The following LRRIQ3 variants were observed in gnomAD, a reference collection of about 807,000 sequenced individuals.
LRRIQ3 encodes the protein leucine-rich repeat and IQ domain-containing protein 3.
In LRRIQ3, 75 loss-of-function variants were observed where a neutral mutation model predicts 59.3. The observed-to-expected ratio is 1.26, with a 90% CI of 1.05 to 1.53. The LOEUF (loss-of-function observed/expected upper bound fraction) is 1.53. Ranked by LOEUF, LRRIQ3 falls within the 40% of genes most tolerant of loss-of-function variation. LRRIQ3 has a pLI of 0.00. For synonymous variants in LRRIQ3, 250 were observed against 231.3 expected, an observed-to-expected ratio of 1.08 and a Z score of -0.73; for missense variants, 831 against 710.0, an observed-to-expected ratio of 1.17 and a Z score of -1.94.
chr1:74,087,515 A>G (rs1646341159), intron 5 of LRRIQ3, among the ~76,000 whole-genome samples: 1 of 149,286 alleles, frequency 6.7e-6, no homozygotes. Context: ...CTCATCTAAA[A>G]TGCTATTTCA....
At chr1:74,092,214 T>C (rs1646401816) in intron 5 of LRRIQ3, among the ~76,000 whole-genome samples, 1 of 152,104 alleles carries the variant, frequency 6.6e-6, no homozygotes, top group Admixed American at 6.6e-5. Flanking sequence ...AAGCATGAGA[T>C]AAAAACAGTC....
chr1:74,194,953 G>C (rs1281443339), intron 1 of LRRIQ3, among the ~76,000 whole-genome samples: 2 of 151,840 alleles, frequency 1.3e-5, no homozygotes, highest in South Asian at 4.2e-4. Context: ...CCTCATCCTG[G>C]TATTTGGACA....
chr1:74,147,128 TGAG>T (rs1239684370), intron 4 of LRRIQ3, among the ~76,000 whole-genome samples: 2 of 151,994 alleles, frequency 1.3e-5, no homozygotes, highest in Non-Finnish European at 2.9e-5. Flanking sequence ...CTCAGGAGGC[TGAG>T]GTAGAAGAAT....
chr1:74,112,776 A>C (rs1333002986), intron 4 of LRRIQ3, among the ~76,000 whole-genome samples: 1 of 152,174 alleles, frequency 6.6e-6, no homozygotes. Flanking sequence ...CAGGGAAAAT[A>C]GACTTCACTA....
chr1:74,183,558 T>G lies in LRRIQ3; in HGVS notation c.127A>C (p.Met43Leu), dbSNP rs1317358413. 1 of 1,612,278 alleles carries G rather than the reference T, an allele frequency of 6.2e-7. No individual in the cohort carries two copies. Among genetic ancestry groups the G allele is most frequent in the South Asian group, 1.1e-5 (1 of 91,006 alleles). The change falls in exon 2 of 8, where the codon ATG becomes CTG. Residue 43 changes from methionine (M) to leucine (L), a missense_variant. Coordinates refer to ENST00000354431, the MANE Select transcript of LRRIQ3 (RefSeq NM_001105659.2). ...VKFNGLHLKS[M>L]ENLQSCISLR... is the part of the protein sequence containing the mutation. The stretch of plus-strand genomic sequence containing the variant: ...GAGATGCAAGACTGCAAATTTTCCA[T>G]AGACTTTAAATGAAGGCCATTGAAC...
intron 1 of LRRIQ3, among the ~76,000 whole-genome samples, chr1:74,190,982 T>G (rs1650728324): frequency 6.6e-6 from 1 of 152,154 alleles, no homozygotes; most frequent in Non-Finnish European, 1.5e-5. Flanking sequence ...GCCTTCCACC[T>G]TCTGTCATGA....
At chr1:74,048,518 C>T (rs1341039499) in intron 6 of LRRIQ3, among the ~76,000 whole-genome samples, 1 of 152,178 alleles carries the variant, frequency 6.6e-6, no homozygotes, top group African/African-American at 2.4e-5. Flanking sequence ...TAAGTAGCTT[C>T]TGGCTTCCTA....
intron 3 of LRRIQ3, among the ~76,000 whole-genome samples, chr1:74,162,612 A>G (rs1287300094): frequency 6.6e-6 from 1 of 151,836 alleles, no homozygotes; most frequent in Non-Finnish European, 1.5e-5. Context: ...TTCTAAAACT[A>G]TATGCTAGTC....
At chr1:74,102,205 G>A (rs6699575) in intron 5 of LRRIQ3, among the ~76,000 whole-genome samples, 124,118 of 151,894 alleles carry the variant, frequency 0.82, 52,621 homozygotes, top group East Asian at 0.97. Flanking sequence ...AAATGAAACT[G>A]CTACTCTCCA....
rs567407448 is a variant in LRRIQ3 at position 74,084,209 on chromosome 1, T to G, written c.868-9419A>C. 7 of 1,546,926 alleles carry G rather than the reference T, an allele frequency of 4.5e-6. No individual in the cohort carries two copies. The South Asian group carries it at 6.0e-5, about 13-fold the overall frequency. Reference sequence around the variant, plus strand: ...TCAGTGAAAATTGACCCATAATTTTTTTTTATCCTGAAGAAAAATACAGTA... The same window carrying G: ...TCAGTGAAAATTGACCCATAATTTTGTTTTATCCTGAAGAAAAATACAGTA... On this transcript the variant is annotated intron_variant, in intron 5 of 7. Transcript: ENST00000354431.
chr1:74,070,534 A>C (rs1241238346), intron 6 of LRRIQ3, among the ~76,000 whole-genome samples: 1 of 152,052 alleles, frequency 6.6e-6, no homozygotes, highest in Non-Finnish European at 1.5e-5. Flanking sequence ...CACTATGCTT[A>C]CTACCTGAGT....
At chr1:74,191,556 T>C (rs1186470156) in intron 1 of LRRIQ3, among the ~76,000 whole-genome samples, 1 of 151,770 alleles carries the variant, frequency 6.6e-6, no homozygotes, top group East Asian at 1.9e-4. Context: ...AAAACATGCC[T>C]TATCAAATTC....
intron 4 of LRRIQ3, among the ~76,000 whole-genome samples, chr1:74,130,352 T>G (rs1048730088): frequency 6.6e-6 from 1 of 152,060 alleles, no homozygotes; most frequent in African/African-American, 2.4e-5. Context: ...CTGGCTGAGT[T>G]CCACCAAGTG....
intron 5 of LRRIQ3, among the ~76,000 whole-genome samples, chr1:74,077,446 A>T (rs1014645220): frequency 1.3e-5 from 2 of 151,868 alleles, no homozygotes; most frequent in Non-Finnish European, 2.9e-5. Flanking sequence ...CCCTGAAAAA[A>T]ACAAGAACCC....
intron 3 of LRRIQ3, among the ~76,000 whole-genome samples, chr1:74,178,198 C>T (rs1649761143): frequency 6.6e-6 from 1 of 151,782 alleles, no homozygotes; most frequent in Admixed American, 6.6e-5. Flanking sequence ...ATCAATCTTG[C>T]CAATAAACAA....
At chr1:74,064,231 C>A (rs1200704905) in intron 6 of LRRIQ3, among the ~76,000 whole-genome samples, 2 of 151,742 alleles carry the variant, frequency 1.3e-5, no homozygotes, top group African/African-American at 4.8e-5. Context: ...TTGTTATTAT[C>A]TTTTTTATTT....
chr1:74,170,009 C>T (rs1450026393), intron 3 of LRRIQ3, among the ~76,000 whole-genome samples: 4 of 152,010 alleles, frequency 2.6e-5, no homozygotes, highest in Non-Finnish European at 2.9e-5. Context: ...ATTCCTTATT[C>T]GGGTTATTTT....
At chr1:74,062,335 A>C (rs908677289) in intron 6 of LRRIQ3, among the ~76,000 whole-genome samples, 4 of 152,166 alleles carry the variant, frequency 2.6e-5, no homozygotes, top group African/African-American at 9.7e-5. Flanking sequence ...AGAGTAATGC[A>C]AATAAAAACC....
intron 6 of LRRIQ3, among the ~76,000 whole-genome samples, chr1:74,067,010 C>T (rs1654884850): frequency 6.6e-6 from 1 of 152,022 alleles, no homozygotes; most frequent in African/African-American, 2.4e-5. Context: ...TTAAGGAAAG[C>T]TAGAAAATGT....
Sources: allele counts gnomAD v4.1 joint callset (sites outside exome capture counted in the v4.1 genomes callset), GRCh38; gene constraint gnomAD v4.1.1; transcripts MANE v1.5; gene names NCBI Gene and HGNC (gene_info 2026-07-23, HGNC 2026-07-21).